GRIA2: variants seen among roughly 807,000 people sequenced by gnomAD.
The protein encoded by GRIA2 is glutamate ionotropic receptor AMPA type subunit 2.
A neutral mutation model predicts 97.3 loss-of-function variants in GRIA2; 14 were observed. The ratio of observed to expected loss-of-function variants is 0.14; its 90% confidence interval spans 0.10 to 0.23. The LOEUF (loss-of-function observed/expected upper bound fraction) is 0.23. Among genes scored for constraint, GRIA2 ranks in the 10% least tolerant of loss-of-function variants. The probability of loss-of-function intolerance (pLI) is 1.00; values close to 1 mark genes in which losing one functional copy is unlikely to be tolerated. For missense variants in GRIA2, 558 were observed against 1,069.8 expected (o/e 0.52, Z 6.67); for synonymous variants, 412 against 387.8 (o/e 1.06, Z -0.73).
chr4:157,298,403 G>A (rs1214853223), intron 2 of GRIA2, among the ~76,000 whole-genome samples: 3 of 151,908 alleles, frequency 2.0e-5, no homozygotes, highest in Non-Finnish European at 2.9e-5. Context: ...AGGGCAAGAA[G>A]GTCATTATTC....
intron 12 of GRIA2, among the ~76,000 whole-genome samples, chr4:157,350,558 C>T (rs2126970532): frequency 6.6e-6 from 1 of 151,322 alleles, no homozygotes. Context: ...TCAGGCGGCC[C>T]AGTGTTTACA....
At chr4:157,278,970 G>T (rs1250896929) in intron 2 of GRIA2, among the ~76,000 whole-genome samples, 6 of 152,082 alleles carry the variant, frequency 3.9e-5, no homozygotes, top group African/African-American at 1.4e-4. Context: ...TGCTGGTGAG[G>T]ATATGATGCA....
chr4:157,321,705 G>A (rs549332254), intron 6 of GRIA2, 106 bp downstream of exon 6: 7 of 702,298 alleles, frequency 1.0e-5, no homozygotes, highest in Admixed American at 5.7e-5. Flanking sequence ...TAGAGAGCAC[G>A]TTTCAAAATA....
intron 11 of GRIA2, among the ~76,000 whole-genome samples, chr4:157,337,201 A>C (rs1414045286): frequency 1.3e-5 from 2 of 152,066 alleles, no homozygotes; most frequent in Non-Finnish European, 2.9e-5. Flanking sequence ...GTTCATGGAA[A>C]TGGTATGGGA....
At chr4:157,323,594 T>A (rs551072792) in intron 6 of GRIA2, among the ~76,000 whole-genome samples, 80 of 152,188 alleles carry the variant, frequency 5.3e-4, no homozygotes, top group African/African-American at 1.9e-3. Context: ...ACCAGCATGC[T>A]CCTTTCGAAT....
At position 157,332,901 on chromosome 4, in the gene GRIA2, C is replaced by G; in HGVS notation, c.965C>G (p.Ser322Cys). Residue 322 changes from serine (S) to cysteine (C), a missense_variant, in exon 7 of 16, where the codon TCC becomes TGC. Physicochemically the swap from Ser to Cys is moderately radical, Grantham distance 112. Transcript: ENST00000264426. ...CTAAGGAAGCAAAGAATTGAAATCT[C>G]CCGAAGGGGGAATGCAGGAGACTGT... ...RNLRKQRIEI[S>C]RRGNAGDCLA... 1 of 1,612,520 alleles carries G rather than the reference C, an allele frequency of 6.2e-7. No homozygotes were observed. The highest frequency in any genetic ancestry group is 8.5e-7 in the Non-Finnish European group (1 of 1,178,926).
chr4:157,270,364 CT>C (rs1285107854), intron 2 of GRIA2, among the ~76,000 whole-genome samples: 1 of 152,074 alleles, frequency 6.6e-6, no homozygotes, highest in Admixed American at 6.6e-5. Flanking sequence ...ACAGCTTGTG[CT>C]TTCAGGTTTC....
In GRIA2 at chr4:157,332,912, A is replaced by G; in HGVS notation, c.976A>G (p.Asn326Asp). 1 of 1,612,452 alleles carries G rather than the reference A, an allele frequency of 6.2e-7. No individual in the cohort carries two copies. The highest frequency in any genetic ancestry group is 8.5e-7 in the Non-Finnish European group (1 of 1,178,878). The change falls in exon 7 of 16, where the codon AAT becomes GAT. Residue 326 changes from asparagine to aspartate, a missense_variant. By Grantham distance (23) the Asn-to-Asp change is conservative (BLOSUM62 1). This residue lies in a region of GRIA2 where 66 missense variants were observed against 118.7 expected (regional missense o/e 0.56). Coordinates refer to ENST00000264426, the MANE Select transcript of GRIA2 (RefSeq NM_001083619.3). The stretch of plus-strand genomic sequence containing the variant: ...AAGAATTGAAATCTCCCGAAGGGGG[A>G]ATGCAGGAGACTGTCTGGCAAACCC... ...KQRIEISRRG[N>D]AGDCLANPAV...
intron 2 of GRIA2, among the ~76,000 whole-genome samples, chr4:157,229,041 A>G (rs1267937301): frequency 6.6e-6 from 1 of 151,960 alleles, no homozygotes; most frequent in Non-Finnish European, 1.5e-5. Context: ...TTATACTACA[A>G]TTTTCTATAT....
intron 2 of GRIA2, among the ~76,000 whole-genome samples, chr4:157,240,944 G>A (rs1444225161): frequency 6.6e-6 from 1 of 151,376 alleles, no homozygotes; most frequent in African/African-American, 2.4e-5. Context: ...CCACCTATGA[G>A]TGAGAATATG....
rs1287463561 is a variant in GRIA2, at chr4:157,364,409, A to AT, written c.*983dup. The AT allele has an allele frequency of 3.9e-5, 6 of 152,022 alleles. No homozygotes were observed. The highest frequency in any genetic ancestry group is 7.4e-5 in the Non-Finnish European group (5 of 67,902). 9.4% of individuals were successfully genotyped at this position (152,022 alleles called of 1,614,324 possible). ...TTCTCCCTTTTAAAAAGGCCAGGTG[A>AT]TTTTTCAAATGTAATCTTGCCCCCA... On this transcript the variant is annotated 3_prime_UTR_variant, in exon 16 of 16. Transcript: ENST00000264426.
chr4:157,242,856 A>G (rs959383578), intron 2 of GRIA2, among the ~76,000 whole-genome samples: 7 of 152,122 alleles, frequency 4.6e-5, no homozygotes, highest in African/African-American at 1.2e-4. Context: ...GGCCAACAGT[A>G]CTATAATTCA....
intron 6 of GRIA2, among the ~76,000 whole-genome samples, chr4:157,329,012 A>G (rs1024310792): frequency 2.2e-4 from 34 of 151,970 alleles, no homozygotes; most frequent in Middle Eastern, 3.2e-3. Flanking sequence ...CACATATTCA[A>G]TATGCTTTAC....
At chr4:157,231,517 G>A (rs1179935958) in intron 2 of GRIA2, among the ~76,000 whole-genome samples, 1 of 152,038 alleles carries the variant, frequency 6.6e-6, no homozygotes, top group African/African-American at 2.4e-5. Context: ...CAAATTTAAG[G>A]TGCTTTATTA....
chr4:157,335,634 A>G (rs751529238), intron 9 of GRIA2, 37 bp from the exon 10 acceptor site: 3 of 1,220,004 alleles, frequency 2.5e-6, no homozygotes, highest in Non-Finnish European at 3.6e-6. Flanking sequence ...ATTAACACAG[A>G]TATTTTAATC....
chr4:157,347,364 C>T (rs1735807402), intron 12 of GRIA2, among the ~76,000 whole-genome samples: 1 of 152,094 alleles, frequency 6.6e-6, no homozygotes, highest in South Asian at 2.1e-4. Context: ...CCACTCTTGC[C>T]ATACACTCGC....
Position 157,360,062 on chromosome 4 carries a change from A to G in GRIA2, c.2210A>G (p.Lys737Arg). The change falls in exon 13 of 16, where the codon AAG becomes AGG. Residue 737 changes from lysine (K) to arginine (R), a missense_variant. Physicochemically the swap from Lys to Arg is conservative, Grantham distance 26. This residue lies in a region of GRIA2 where 125 missense variants were observed against 310.2 expected (regional missense o/e 0.40). Transcript: ENST00000264426. ...ATGAACGAGTACATTGAGCAAAGGAAGCCTTGCGACACCATGAAAGTTGGT... is the reference window on the plus strand; with the variant it reads ...ATGAACGAGTACATTGAGCAAAGGAGGCCTTGCGACACCATGAAAGTTGGT... ...STMNEYIEQR[K>R]PCDTMKVGGN... 6.2e-7 allele frequency: 1 copy of G among 1,613,948 alleles called. No homozygotes were observed. Among genetic ancestry groups the G allele is most frequent in the Non-Finnish European group, 8.5e-7 (1 of 1,179,884 alleles).
intron 2 of GRIA2, among the ~76,000 whole-genome samples, chr4:157,296,501 T>G (rs1733355712): frequency 6.6e-6 from 1 of 152,180 alleles, no homozygotes; most frequent in Non-Finnish European, 1.5e-5. Flanking sequence ...TTATTGTCAA[T>G]AACACATTTA....
chr4:157,268,469 A>G (rs1003906877), intron 2 of GRIA2, among the ~76,000 whole-genome samples: 1 of 152,038 alleles, frequency 6.6e-6, no homozygotes, highest in South Asian at 2.1e-4. Context: ...TACATACCTC[A>G]AAATATTTTA....
Sources: allele counts gnomAD v4.1 joint callset (sites outside exome capture counted in the v4.1 genomes callset), GRCh38; gene constraint gnomAD v4.1.1; regional missense constraint gnomAD v4.1.1; transcripts MANE v1.5; gene names NCBI Gene and HGNC (gene_info 2026-07-23, HGNC 2026-07-21).